GRID1: variants seen among roughly 807,000 people sequenced by gnomAD.
GRID1 encodes the protein glutamate ionotropic receptor delta type subunit 1, also known as glutamate receptor ionotropic, delta-1.
GRID1 carries 28 observed loss-of-function variants against 98.0 expected under a neutral mutation model. The observed-to-expected ratio is 0.29, with a 90% CI of 0.21 to 0.39. GRID1 has a LOEUF of 0.39. Ranked by LOEUF, GRID1 falls within the 10% of genes least tolerant of loss-of-function variation. The probability of loss-of-function intolerance (pLI) is 1.00; values close to 1 mark genes in which losing one functional copy is unlikely to be tolerated. For synonymous variants in GRID1, 553 were observed against 538.5 expected, an observed-to-expected ratio of 1.03 and a Z score of -0.37; for missense variants, 1,111 against 1,340.5, an observed-to-expected ratio of 0.83 and a Z score of 2.67.
intron 5 of GRID1, among the ~76,000 whole-genome samples, chr10:85,904,318 G>A (rs1385342242): frequency 1.3e-5 from 2 of 152,320 alleles, no homozygotes; most frequent in African/African-American, 2.4e-5. Flanking sequence ...AGGAAACAAG[G>A]TGAGTTTTAT....
intron 8 of GRID1, among the ~76,000 whole-genome samples, chr10:85,806,541 C>A: frequency 6.6e-6 from 1 of 151,282 alleles, no homozygotes; most frequent in Non-Finnish European, 1.5e-5. Context: ...TATGATAACC[C>A]AAGTTTGGAA....
chr10:85,715,370 A>G (rs1320691796), intron 12 of GRID1, among the ~76,000 whole-genome samples: 1 of 152,210 alleles, frequency 6.6e-6, no homozygotes, highest in Non-Finnish European at 1.5e-5. Context: ...GCAACAATAG[A>G]TAAATGGGAC....
chr10:86,073,668 G>T (rs770347681), intron 4 of GRID1, among the ~76,000 whole-genome samples: 1 of 152,156 alleles, frequency 6.6e-6, no homozygotes, highest in Non-Finnish European at 1.5e-5. Context: ...ATTGAGCTCC[G>T]GATCATAAGG....
At chr10:85,719,915 T>C (rs1451299808) in intron 12 of GRID1, among the ~76,000 whole-genome samples, 2 of 152,102 alleles carry the variant, frequency 1.3e-5, no homozygotes, top group African/African-American at 4.8e-5. Flanking sequence ...AAAAGAATGA[T>C]CCGTGAAAGA....
intron 13 of GRID1, among the ~76,000 whole-genome samples, chr10:85,625,971 C>T (rs1842908190): frequency 6.6e-6 from 1 of 152,228 alleles, no homozygotes; most frequent in Non-Finnish European, 1.5e-5. Flanking sequence ...TTACGCTATT[C>T]CATTCCATCC....
intron 2 of GRID1, among the ~76,000 whole-genome samples, chr10:86,360,482 C>T (rs988417611): frequency 6.6e-6 from 1 of 152,184 alleles, no homozygotes; most frequent in Non-Finnish European, 1.5e-5. Context: ...AATACATGCT[C>T]ATTGCAGCAA....
rs549982698 is a variant in GRID1, at chr10:85,915,442, CAA to C, written c.780+742_780+743del. On this transcript the variant is annotated intron_variant, in intron 5 of 15. Transcript: ENST00000327946. Reference sequence around the variant, plus strand: ...ACACTCAACACATTCAATTCACACACAAAGACACATACACACTTGTACATGCA... The same window carrying C: ...ACACTCAACACATTCAATTCACACACAGACACATACACACTTGTACATGCA... Among the ~76,000 whole-genome samples, 49 of 152,106 alleles carry C rather than the reference CAA, an allele frequency of 3.2e-4. 1 individual carries two copies. Among genetic ancestry groups the C allele is most frequent in the African/African-American group, 9.6e-4 (40 of 41,484 alleles).
At chr10:86,137,538 G>T (rs891994242) in intron 4 of GRID1, among the ~76,000 whole-genome samples, 4 of 152,214 alleles carry the variant, frequency 2.6e-5, no homozygotes, top group African/African-American at 9.6e-5. Context: ...ACAGAATCCA[G>T]CTGGGGAAAT....
chr10:86,136,367 G>A (rs937030342), intron 4 of GRID1, among the ~76,000 whole-genome samples: 1 of 152,168 alleles, frequency 6.6e-6, no homozygotes. Context: ...TATCTTCCCC[G>A]ATGAAGCCAG....
At chr10:85,683,215 A>G (rs544552660) in intron 12 of GRID1, among the ~76,000 whole-genome samples, 1 of 152,278 alleles carries the variant, frequency 6.6e-6, no homozygotes, top group Admixed American at 6.5e-5. Context: ...GCAGAGAAAA[A>G]AAATAGAAAC....
chr10:86,119,498 G>C lies in GRID1; in HGVS notation c.726+19321C>G, dbSNP rs528608022. ...GTGGGGTATATGAGAACTCTCTATA[G>C]TATCTTCATAATGATCCTAAAATTT... On this transcript the variant is annotated intron_variant, in intron 4 of 15. Coordinates refer to ENST00000327946, the MANE Select transcript of GRID1 (RefSeq NM_017551.3). 6.6e-5 allele frequency among the ~76,000 whole-genome samples: 10 copies of C among 152,274 alleles called. No homozygotes were observed. The South Asian group carries it at 2.1e-3, about 32-fold the overall frequency.
intron 8 of GRID1, among the ~76,000 whole-genome samples, chr10:85,821,650 C>T (rs1274452517): frequency 2.0e-5 from 3 of 150,296 alleles, no homozygotes; most frequent in East Asian, 3.9e-4. Flanking sequence ...TTATCTTGAT[C>T]GTAACAAAAA....
chr10:86,151,095 G>A (rs1376745453), intron 3 of GRID1, among the ~76,000 whole-genome samples: 2 of 152,118 alleles, frequency 1.3e-5, no homozygotes, highest in Admixed American at 6.5e-5. Flanking sequence ...TGTCTTGCCC[G>A]AGTTTATCTA....
At chr10:85,820,651 G>A (rs973882278) in intron 8 of GRID1, among the ~76,000 whole-genome samples, 2 of 152,236 alleles carry the variant, frequency 1.3e-5, no homozygotes, top group Admixed American at 6.5e-5. Context: ...AATTATTTGT[G>A]CTGTCTTTTC....
At chr10:85,623,917 G>A (rs1175569329) in intron 13 of GRID1, among the ~76,000 whole-genome samples, 2 of 152,190 alleles carry the variant, frequency 1.3e-5, no homozygotes, top group Admixed American at 1.3e-4. Context: ...TTGTGCTGTG[G>A]TCTGGTGCTT....
intron 2 of GRID1, among the ~76,000 whole-genome samples, chr10:86,340,114 T>G (rs1848289121): frequency 6.6e-6 from 1 of 150,930 alleles, no homozygotes; most frequent in Non-Finnish European, 1.5e-5. Flanking sequence ...CTTGCAGCAG[T>G]TGGGAGGCTC....
At chr10:86,091,958 AC>A (rs1206275459) in intron 4 of GRID1, among the ~76,000 whole-genome samples, 1 of 152,164 alleles carries the variant, frequency 6.6e-6, no homozygotes, top group East Asian at 1.9e-4. Context: ...TCAAGGGAAC[AC>A]CCCATGGGAC....
chr10:86,130,773 G>A (rs899794194), intron 4 of GRID1, among the ~76,000 whole-genome samples: 7 of 152,298 alleles, frequency 4.6e-5, no homozygotes, highest in South Asian at 2.1e-4. Context: ...CCAAGAGGGC[G>A]CTGAGCTGGT....
intron 2 of GRID1, among the ~76,000 whole-genome samples, chr10:86,356,290 GT>G (rs934392718): frequency 6.6e-6 from 1 of 152,196 alleles, no homozygotes; most frequent in South Asian, 2.1e-4. Context: ...ACCCAAAACT[GT>G]TTTTTGCTTT....
Sources: gnomAD v4.1 joint callset for allele counts (sites outside exome capture counted in the v4.1 genomes callset) on GRCh38, gnomAD v4.1.1 for gene constraint, MANE v1.5 for transcripts, NCBI Gene and HGNC (gene_info 2026-07-23, HGNC 2026-07-21) for gene names.